Variants in MCTP2 observed in about 807,000 individuals in gnomAD.
MCTP2 encodes multiple C2 and transmembrane domain containing 2, also known as multiple C2 and transmembrane domain-containing protein 2.
MCTP2 carries 132 observed loss-of-function variants against 111.6 expected under a neutral mutation model. The observed-to-expected ratio is 1.18, with a 90% confidence interval of 1.03 to 1.37. The LOEUF (loss-of-function observed/expected upper bound fraction) is 1.37. MCTP2 is among the 40% of genes most tolerant of loss of function. The pLI is 0.00. For synonymous variants in MCTP2, 395 were observed against 387.7 expected (o/e 1.02, Z -0.22); for missense variants, 1,183 against 1,067.9 (o/e 1.11, Z -1.50).
chr15:94,288,096 C>T (rs956780640), intron 1 of MCTP2, among the ~76,000 whole-genome samples: 13 of 152,122 alleles, frequency 8.5e-5, no homozygotes, highest in African/African-American at 2.7e-4. Context: ...GCTTTCTATT[C>T]GGTAAAATAG....
At chr15:94,269,796 G>GT (rs1442181762) in intron 1 of MCTP2, among the ~76,000 whole-genome samples, 1 of 152,112 alleles carries the variant, frequency 6.6e-6, no homozygotes, top group African/African-American at 2.4e-5. Flanking sequence ...GCTCAACTCT[G>GT]TAGCTAAAGA....
intron 19 of MCTP2, among the ~76,000 whole-genome samples, chr15:94,453,591 T>C (rs1266071197): frequency 6.6e-6 from 1 of 152,188 alleles, no homozygotes; most frequent in Non-Finnish European, 1.5e-5. Flanking sequence ...GAATAAAAAG[T>C]AGTCTGAACA....
chr15:94,452,272 G>C (rs1048610029), intron 19 of MCTP2, among the ~76,000 whole-genome samples: 8 of 152,174 alleles, frequency 5.3e-5, no homozygotes, highest in African/African-American at 1.9e-4. Context: ...ATAGCATCTT[G>C]TTTTAAAAGA....
At chr15:94,446,274 AT>A (rs1157114194) in intron 19 of MCTP2, among the ~76,000 whole-genome samples, 2 of 152,210 alleles carry the variant, frequency 1.3e-5, no homozygotes, top group African/African-American at 4.8e-5. Flanking sequence ...CTCCTTTCTA[AT>A]ACCTGACGGC....
chr15:94,264,617 G>GAAA (rs146502224), intron 1 of MCTP2, among the ~76,000 whole-genome samples: 17 of 150,840 alleles, frequency 1.1e-4, no homozygotes, highest in Admixed American at 1.1e-3. Context: ...TCTCAAAAAA[G>GAAA]AAAAAAAAAT....
chr15:94,356,917 C>A (rs980422201), intron 9 of MCTP2, among the ~76,000 whole-genome samples: 1 of 152,046 alleles, frequency 6.6e-6, no homozygotes, highest in Non-Finnish European at 1.5e-5. Flanking sequence ...GATTTTATTT[C>A]AAAAACTATA....
intron 4 of MCTP2, among the ~76,000 whole-genome samples, chr15:94,326,753 A>T (rs905812953): frequency 2.0e-5 from 3 of 147,854 alleles, no homozygotes; most frequent in Non-Finnish European, 3.0e-5. Flanking sequence ...TTTTTAGTAG[A>T]GATGGCGTTT....
intron 1 of MCTP2, among the ~76,000 whole-genome samples, chr15:94,271,726 T>C (rs912189533): frequency 1.3e-5 from 2 of 152,246 alleles, no homozygotes; most frequent in African/African-American, 4.8e-5. Flanking sequence ...TTCTTTAAAA[T>C]ATTTTGCTTT....
intron 4 of MCTP2, among the ~76,000 whole-genome samples, chr15:94,327,213 T>C (rs2076924302): frequency 6.6e-6 from 1 of 152,200 alleles, no homozygotes; most frequent in Non-Finnish European, 1.5e-5. Flanking sequence ...TCTATCTAGT[T>C]TTACATTTTT....
chr15:94,265,465 T>C (rs2073465013), intron 1 of MCTP2, among the ~76,000 whole-genome samples: 1 of 152,304 alleles, frequency 6.6e-6, no homozygotes, highest in East Asian at 1.9e-4. Flanking sequence ...TTTCAAAGTA[T>C]ATACTCCATG....
At chr15:94,471,454 G>C (rs1180284457) in intron 21 of MCTP2, among the ~76,000 whole-genome samples, 1 of 152,146 alleles carries the variant, frequency 6.6e-6, no homozygotes, top group Non-Finnish European at 1.5e-5. Context: ...ATCCAACAAA[G>C]TAGAATCCTG....
chr15:94,458,488 T>TTG (rs1183469921), intron 20 of MCTP2, among the ~76,000 whole-genome samples: 1 of 152,176 alleles, frequency 6.6e-6, no homozygotes, highest in African/African-American at 2.4e-5. Context: ...TAAATATTAC[T>TTG]AGTGTTCCCT....
chr15:94,253,459 T>C (rs1370860923), intron 1 of MCTP2, among the ~76,000 whole-genome samples: 1 of 152,178 alleles, frequency 6.6e-6, no homozygotes, highest in Non-Finnish European at 1.5e-5. Flanking sequence ...AATTACAAAA[T>C]TCAGCTTCTC....
chr15:94,443,547 A>G (rs952156763), intron 19 of MCTP2, among the ~76,000 whole-genome samples: 2 of 152,150 alleles, frequency 1.3e-5, no homozygotes, highest in Non-Finnish European at 2.9e-5. Context: ...AGTCCCCTTC[A>G]CCTGTGGGTA....
chr15:94,389,722 G>GA (rs1304943944), intron 14 of MCTP2, among the ~76,000 whole-genome samples: 3 of 152,018 alleles, frequency 2.0e-5, no homozygotes, highest in Non-Finnish European at 4.4e-5. Flanking sequence ...TTTAAAAACA[G>GA]AAAAAACAGA....
intron 1 of MCTP2, among the ~76,000 whole-genome samples, chr15:94,232,398 A>G (rs1439180677): frequency 6.6e-6 from 1 of 152,208 alleles, no homozygotes; most frequent in Non-Finnish European, 1.5e-5. Flanking sequence ...TCTGGAAGGT[A>G]CAAGGGTGCG....
chr15:94,471,291 G>T (rs1016963894), intron 21 of MCTP2, among the ~76,000 whole-genome samples: 2 of 152,188 alleles, frequency 1.3e-5, no homozygotes, highest in East Asian at 1.9e-4. Flanking sequence ...CACTTCCAGG[G>T]ATCTTCAGAT....
chr15:94,270,295 G>C (rs548817478), intron 1 of MCTP2, among the ~76,000 whole-genome samples: 2 of 152,142 alleles, frequency 1.3e-5, no homozygotes, highest in African/African-American at 4.8e-5. Context: ...TGAACAGTTT[G>C]CATTTGCTTC....
intron 17 of MCTP2, among the ~76,000 whole-genome samples, chr15:94,433,373 A>G (rs1954414815): frequency 2.6e-5 from 4 of 152,156 alleles, no homozygotes; most frequent in African/African-American, 9.7e-5. Context: ...CACCTATGTC[A>G]TGGAACATAT....
Sources: gnomAD v4.1 joint callset for allele counts (sites outside exome capture counted in the v4.1 genomes callset) on GRCh38, gnomAD v4.1.1 for gene constraint, MANE v1.5 for transcripts, NCBI Gene and HGNC (gene_info 2026-07-23, HGNC 2026-07-21) for gene names.